UQCRC2: variants seen among roughly 807,000 people sequenced by gnomAD.
The protein encoded by UQCRC2 is cytochrome b-c1 complex subunit 2, mitochondrial.
Under a neutral mutation model 55.6 loss-of-function variants are expected in UQCRC2, and 49 were observed. That is an observed-to-expected ratio of 0.88 (90% confidence interval 0.70 to 1.12). The LOEUF (loss-of-function observed/expected upper bound fraction) is 1.12. UQCRC2 is among the 50% of genes most tolerant of loss of function. The pLI is 0.00. For missense variants in UQCRC2, 506 were observed against 547.8 expected, an observed-to-expected ratio of 0.92 and a Z score of 0.76; for synonymous variants, 193 against 192.0, an observed-to-expected ratio of 1.01 and a Z score of -0.04.
chr16:21,963,015 G>T, intron 6 of UQCRC2, 130 bp downstream of exon 6: 1 of 1,206,730 alleles, frequency 8.3e-7, no homozygotes, highest in Non-Finnish European at 1.1e-6. Flanking sequence ...TTGAGACAGA[G>T]TCTCACTCTG....
chr16:21,963,640 T>C (rs891834349), intron 6 of UQCRC2, among the ~76,000 whole-genome samples: 6 of 152,114 alleles, frequency 3.9e-5, no homozygotes, highest in South Asian at 4.2e-4. Context: ...ATTTTTATTT[T>C]TATTTTTTTA....
intron 6 of UQCRC2, among the ~76,000 whole-genome samples, chr16:21,963,496 G>T (rs952652280): frequency 7.3e-5 from 11 of 150,848 alleles, no homozygotes; most frequent in Non-Finnish European, 1.6e-4. Flanking sequence ...TTGAGACAGG[G>T]TGTTGCTTGT....
At chr16:21,972,955 CTG>C (rs945117203) in intron 10 of UQCRC2, among the ~76,000 whole-genome samples, 7 of 152,148 alleles carry the variant, frequency 4.6e-5, no homozygotes, top group African/African-American at 1.7e-4. Flanking sequence ...CAAAAATTGT[CTG>C]GGCGTGGTGG....
At chr16:21,957,829 C>T (rs1898115504) in intron 3 of UQCRC2, among the ~76,000 whole-genome samples, 1 of 152,184 alleles carries the variant, frequency 6.6e-6, no homozygotes, top group Non-Finnish European at 1.5e-5. Context: ...CAAATCCTCC[C>T]CTGCCTGTTC....
intron 1 of UQCRC2, among the ~76,000 whole-genome samples, 159 bp from the exon 2 acceptor site, chr16:21,957,076 A>C (rs542751971): frequency 3.3e-5 from 5 of 152,124 alleles, no homozygotes; most frequent in Admixed American, 1.3e-4. Context: ...CTCAAAAAAA[A>C]AAAAAAAATG....
At chr16:21,970,952 G>A (rs1898445140) in intron 8 of UQCRC2, among the ~76,000 whole-genome samples, 1 of 151,830 alleles carries the variant, frequency 6.6e-6, no homozygotes, top group African/African-American at 2.4e-5. Flanking sequence ...TTGTTGAGTT[G>A]TAAAGGTTCT....
chr16:21,981,411 C>T (rs1394692962), intron 13 of UQCRC2, among the ~76,000 whole-genome samples: 4 of 152,106 alleles, frequency 2.6e-5, no homozygotes, highest in Admixed American at 6.5e-5. Context: ...TCTCGGCCAT[C>T]TTCTCACCAA....
chr16:21,978,361 T>C (rs1459065276), intron 12 of UQCRC2, among the ~76,000 whole-genome samples: 1 of 152,224 alleles, frequency 6.6e-6, no homozygotes, highest in Non-Finnish European at 1.5e-5. Flanking sequence ...GATAAACGTT[T>C]GAGGTTCAAA....
intron 12 of UQCRC2, among the ~76,000 whole-genome samples, chr16:21,977,476 A>G (rs929329330): frequency 1.3e-5 from 2 of 152,206 alleles, no homozygotes. Context: ...ACTAATTTAT[A>G]CCCAAAAAAG....
At position 21,980,849 on chromosome 16, in the gene UQCRC2, C is replaced by T. The variant is rs561055335; in HGVS notation, c.1278+149C>T. 5 of 885,436 alleles carry T rather than the reference C, an allele frequency of 5.6e-6. No individual in the cohort carries two copies. In the East Asian group the frequency reaches 1.4e-4, roughly 24 times the overall value. The allele number at this position is 885,436 out of a possible 1,614,324, so 54.8% of individuals were successfully genotyped here. A position where few individuals can be genotyped will look rare whatever the true frequency, so the allele number is the denominator to read the frequency against. ...ATGTGGAGGCAGGAGGGCTCATTCCCATAAGATCCGCAACAAGCTTCCCTG... is the reference window on the plus strand; with the variant it reads ...ATGTGGAGGCAGGAGGGCTCATTCCTATAAGATCCGCAACAAGCTTCCCTG... On this transcript the variant is annotated intron_variant, in intron 13 of 13. Coordinates refer to ENST00000268379, the MANE Select transcript of UQCRC2 (RefSeq NM_003366.4).
At chr16:21,961,400 C>A in intron 4 of UQCRC2, 1 of 377,718 alleles carries the variant, frequency 2.6e-6, no homozygotes, top group Non-Finnish European at 5.5e-6. Flanking sequence ...TAGATCCATA[C>A]GTCAACATAG....
At chr16:21,960,891 T>C (rs1898183347) in intron 4 of UQCRC2, among the ~76,000 whole-genome samples, 1 of 152,002 alleles carries the variant, frequency 6.6e-6, no homozygotes, top group Non-Finnish European at 1.5e-5. Context: ...AGTGGAGTGG[T>C]GCAGACATAC....
intron 8 of UQCRC2, 69 bp from the exon 9 acceptor site, chr16:21,971,452 CAAGG>C (rs1406259818): frequency 3.7e-5 from 48 of 1,288,004 alleles, no homozygotes; most frequent in Non-Finnish European, 5.0e-5. Flanking sequence ...ATTTTTAAAA[CAAGG>C]AAAAAATATT....
intron 12 of UQCRC2, 62 bp downstream of exon 12, chr16:21,976,305 AT>A (rs145921691): frequency 1.5e-6 from 2 of 1,375,884 alleles, no homozygotes; most frequent in African/African-American, 1.4e-5. Context: ...TTCTTTTCAG[AT>A]TATAACAATA....
chr16:21,958,699 C>T, intron 4 of UQCRC2, 100 bp downstream of exon 4: 2 of 1,011,706 alleles, frequency 2.0e-6, no homozygotes, highest in South Asian at 1.5e-5. Context: ...ATTTCTTAAG[C>T]AACATAAGAA....
intron 1 of UQCRC2, among the ~76,000 whole-genome samples, chr16:21,954,728 T>A (rs1170700570): frequency 6.6e-6 from 1 of 152,104 alleles, no homozygotes; most frequent in African/African-American, 2.4e-5. Flanking sequence ...GATAATTTGC[T>A]GATTTGAATG....
intron 6 of UQCRC2, among the ~76,000 whole-genome samples, chr16:21,964,020 G>T (rs981961739): frequency 7.2e-5 from 11 of 152,148 alleles, no homozygotes; most frequent in Non-Finnish European, 1.5e-4. Flanking sequence ...AAGCGCCGCT[G>T]ACTCTTGGGA....
intron 4 of UQCRC2, among the ~76,000 whole-genome samples, chr16:21,959,987 C>G (rs950322333): frequency 2.0e-5 from 3 of 152,150 alleles, no homozygotes; most frequent in Non-Finnish European, 4.4e-5. Flanking sequence ...AGAGCATAGG[C>G]AGAGTAGATT....
rs1898386686 is a variant in UQCRC2, at chr16:21,968,696, A to G, written c.670+11A>G. ...CTTTGATTGGACTTGGTAAGTTTAG[A>G]GTATTGCCTGCCTGTCAGTTTGCTT... On this transcript the variant is annotated intron_variant, in intron 8 of 13. Coordinates refer to ENST00000268379, the MANE Select transcript of UQCRC2 (RefSeq NM_003366.4). 2.5e-6 allele frequency: 4 copies of G among 1,602,204 alleles called. No homozygotes were observed. Among genetic ancestry groups the G allele is most frequent in the Non-Finnish European group, 2.6e-6 (3 of 1,173,938 alleles).
Sources: gnomAD v4.1 joint callset for allele counts (sites outside exome capture counted in the v4.1 genomes callset) on GRCh38, gnomAD v4.1.1 for gene constraint, MANE v1.5 for transcripts, NCBI Gene and HGNC (gene_info 2026-07-23, HGNC 2026-07-21) for gene names.